MCMDC2: variants seen among roughly 807,000 people sequenced by gnomAD.
The protein encoded by MCMDC2 is minichromosome maintenance domain-containing protein 2.
In MCMDC2, 54 loss-of-function variants were observed where a neutral mutation model predicts 75.8. That is an observed-to-expected ratio of 0.71 (90% CI 0.57 to 0.89). The LOEUF (loss-of-function observed/expected upper bound fraction) is 0.89, where lower values mean the gene tolerates loss of function less well. MCMDC2 is among the 40% of genes least tolerant of loss of function. The pLI is 0.00. For missense variants in MCMDC2, 656 were observed against 780.4 expected, an observed-to-expected ratio of 0.84 and a Z score of 1.90; for synonymous variants, 249 against 274.6, an observed-to-expected ratio of 0.91 and a Z score of 0.92.
At chr8:66,902,322 C>T (rs967857838) in intron 13 of MCMDC2, among the ~76,000 whole-genome samples, 2 of 151,388 alleles carry the variant, frequency 1.3e-5, no homozygotes, top group African/African-American at 2.4e-5. Context: ...GCCCATCAAG[C>T]GGAAGTTGCA....
chr8:66,874,641 TA>T (rs985820381), intron 4 of MCMDC2, 55 bp downstream of exon 4: 23 of 1,421,114 alleles, frequency 1.6e-5, no homozygotes, highest in African/African-American at 1.6e-4. Flanking sequence ...TGATGACTTG[TA>T]AAAAAATATT....
chr8:66,899,332 T>G (rs929848728), intron 12 of MCMDC2, among the ~76,000 whole-genome samples: 1 of 152,176 alleles, frequency 6.6e-6, no homozygotes, highest in Non-Finnish European at 1.5e-5. Context: ...AGGAGGATAT[T>G]GGTGGCTCAT....
At chr8:66,918,229 T>G (rs1242210523) in intron 14 of MCMDC2, among the ~76,000 whole-genome samples, 1 of 152,138 alleles carries the variant, frequency 6.6e-6, no homozygotes, top group East Asian at 1.9e-4. Context: ...TCTCCGCCTA[T>G]TTTTTAATGA....
intron 10 of MCMDC2, among the ~76,000 whole-genome samples, chr8:66,894,499 A>T (rs760046649): frequency 6.6e-6 from 1 of 152,234 alleles, no homozygotes; most frequent in Non-Finnish European, 1.5e-5. Flanking sequence ...TATGCATATC[A>T]AGAAGTAAAA....
rs1811423499 is a variant in MCMDC2 at position 66,878,822 on chromosome 8, A to C, written c.612A>C (p.Gln204His). ...DRKFRVLGDK[Q>H]IVEIIATKAL... The stretch of plus-strand genomic sequence containing the variant: ...TTTGCTCTTTGCTTTAAGATAAACA[A>C]ATAGTTGAAATAATTGCCACAAAGG... The change falls in exon 7 of 15, where the codon CAA becomes CAC. Residue 204 changes from glutamine (Q) to histidine (H), a missense_variant. Gln to His is a conservative substitution (Grantham distance 24). Coordinates refer to ENST00000422365, the MANE Select transcript of MCMDC2 (RefSeq NM_173518.5). The C allele has an allele frequency of 6.3e-7, 1 of 1,598,192 alleles. No homozygotes were observed. Among genetic ancestry groups the C allele is most frequent in the South Asian group, 1.1e-5 (1 of 88,420 alleles).
intron 1 of MCMDC2, among the ~76,000 whole-genome samples, chr8:66,871,700 C>CA (rs1360037312): frequency 6.6e-6 from 1 of 151,864 alleles, no homozygotes; most frequent in Non-Finnish European, 1.5e-5. Context: ...GACAGCTACC[C>CA]AAGAGTTGGA....
intron 12 of MCMDC2, among the ~76,000 whole-genome samples, chr8:66,900,834 T>G (rs1207568599): frequency 2.0e-5 from 3 of 152,180 alleles, no homozygotes; most frequent in African/African-American, 7.2e-5. Context: ...GGCAAGTAGC[T>G]CTAGGCCAAT....
At chr8:66,914,300 A>C (rs1026921642) in intron 14 of MCMDC2, among the ~76,000 whole-genome samples, 10 of 151,808 alleles carry the variant, frequency 6.6e-5, no homozygotes, top group East Asian at 3.9e-4. Context: ...AAAAAAAAAA[A>C]AAAACTAAAG....
At chr8:66,876,059 A>G (rs1811269090) in intron 4 of MCMDC2, among the ~76,000 whole-genome samples, 1 of 152,206 alleles carries the variant, frequency 6.6e-6, no homozygotes, top group Non-Finnish European at 1.5e-5. Context: ...ACAGTGTCAC[A>G]ATTGATTAGT....
chr8:66,893,874 A>G (rs1585880692), intron 10 of MCMDC2, among the ~76,000 whole-genome samples: 1 of 152,222 alleles, frequency 6.6e-6, no homozygotes, highest in South Asian at 2.1e-4. Context: ...TTGGTTCCAC[A>G]CTCGTGAAGT....
At chr8:66,913,189 T>C (rs1468276603) in intron 14 of MCMDC2, among the ~76,000 whole-genome samples, 2 of 152,196 alleles carry the variant, frequency 1.3e-5, no homozygotes, top group Non-Finnish European at 2.9e-5. Flanking sequence ...ATTTTTAGCA[T>C]TTTTTAGCAA....
At position 66,916,202 on chromosome 8, in the gene MCMDC2, G is replaced by GT. The variant is rs1312847846; in HGVS notation, c.1880-2800dup. On this transcript the variant is annotated intron_variant, in intron 14 of 14. Coordinates refer to ENST00000422365, the MANE Select transcript of MCMDC2 (RefSeq NM_173518.5). ...ATGATGTGCAGTAAAGAGTAAACTA[G>GT]TAACACTATAGAAAGACAGGAAGAT... 2.6e-5 allele frequency among the ~76,000 whole-genome samples: 4 copies of GT among 152,096 alleles called. No individual in the cohort carries two copies. The South Asian group carries it at 8.3e-4, about 32-fold the overall frequency.
intron 13 of MCMDC2, among the ~76,000 whole-genome samples, chr8:66,902,718 A>G (rs1308194482): frequency 1.6e-5 from 2 of 121,258 alleles, no homozygotes; most frequent in South Asian, 5.6e-4. Flanking sequence ...AAAAATATAT[A>G]TATATATATA....
intron 14 of MCMDC2, among the ~76,000 whole-genome samples, chr8:66,913,392 A>G (rs1813188438): frequency 6.6e-6 from 1 of 152,178 alleles, no homozygotes; most frequent in Non-Finnish European, 1.5e-5. Context: ...TCTCTGAGGT[A>G]TGGCTGTATA....
intron 9 of MCMDC2, among the ~76,000 whole-genome samples, chr8:66,885,526 A>C (rs2130811427): frequency 6.6e-6 from 1 of 152,148 alleles, no homozygotes; most frequent in Non-Finnish European, 1.5e-5. Flanking sequence ...TTTGTGATGC[A>C]TGTAAATTAA....
intron 14 of MCMDC2, 65 bp downstream of exon 14, chr8:66,905,400 T>A: frequency 2.4e-6 from 3 of 1,236,656 alleles, no homozygotes; most frequent in Non-Finnish European, 3.2e-6. Context: ...TATTCTTAGT[T>A]GGTTAAATTA....
intron 1 of MCMDC2, among the ~76,000 whole-genome samples, chr8:66,871,755 T>C (rs922784037): frequency 2.0e-5 from 3 of 151,614 alleles, no homozygotes; most frequent in African/African-American, 4.9e-5. Flanking sequence ...TACAAAAAAA[T>C]TAAAAATTAT....
Position 66,919,171 on chromosome 8 carries a change from C to CAATT in MCMDC2, c.*3_*6dup. On this transcript the variant is annotated 3_prime_UTR_variant, in exon 15 of 15. Coordinates refer to ENST00000422365, the MANE Select transcript of MCMDC2 (RefSeq NM_173518.5). Reference sequence around the variant, plus strand: ...ACTATTTTCTCTAGTGATGAATAAGCAATTTGAGGAATTTTTGTTCATTCC... The same window carrying CAATT: ...ACTATTTTCTCTAGTGATGAATAAGCAATTAATTTGAGGAATTTTTGTTCATTCC... The CAATT allele has an allele frequency of 6.5e-7, 1 of 1,533,076 alleles. No homozygotes were observed. The allele number at this position is 1,533,076 out of a possible 1,614,324, so 95.0% of individuals were successfully genotyped here.
intron 14 of MCMDC2, among the ~76,000 whole-genome samples, chr8:66,908,905 G>A (rs774202022): frequency 2.0e-5 from 3 of 152,148 alleles, no homozygotes; most frequent in South Asian, 2.1e-4. Context: ...GAGCTACCAC[G>A]CCCAGCCATA....
Sources: allele counts gnomAD v4.1 joint callset (sites outside exome capture counted in the v4.1 genomes callset), GRCh38; gene constraint gnomAD v4.1.1; transcripts MANE v1.5; gene names NCBI Gene and HGNC (gene_info 2026-07-23, HGNC 2026-07-21).